Variants in DCHS2 observed in about 807,000 individuals in gnomAD.
The protein encoded by DCHS2 is protocadherin-23.
In DCHS2, 142 loss-of-function variants were observed where a neutral mutation model predicts 182.4. The ratio of observed to expected loss-of-function variants is 0.78; its 90% CI spans 0.68 to 0.89. DCHS2 has a LOEUF of 0.89. DCHS2 is among the 40% of genes least tolerant of loss of function. DCHS2 has a pLI of 0.00. For synonymous variants in DCHS2, 1,740 were observed against 1,663.3 expected (o/e 1.05, Z -1.12); for missense variants, 4,319 against 4,198.6 (o/e 1.03, Z -0.79).
At chr4:154,462,409 T>G (rs867445254) in intron 1 of DCHS2, among the ~76,000 whole-genome samples, 2 of 152,226 alleles carry the variant, frequency 1.3e-5, no homozygotes, top group South Asian at 2.1e-4. Context: ...TATTCTCTTT[T>G]GTTGCTCATC....
intron 3 of DCHS2, chr4:154,343,652 T>C (rs1448582986): frequency 6.8e-7 from 1 of 1,463,660 alleles, no homozygotes; most frequent in South Asian, 1.6e-5. Context: ...CCTTCCTATA[T>C]TTAAAAAGAG....
intron 3 of DCHS2, among the ~76,000 whole-genome samples, chr4:154,340,625 C>T (rs999617539): frequency 2.0e-4 from 31 of 152,142 alleles, no homozygotes; most frequent in African/African-American, 7.2e-4. Flanking sequence ...TTGATACCAC[C>T]TGGAATGTTA....
chr4:154,307,729 C>A (rs973076582), intron 10 of DCHS2, among the ~76,000 whole-genome samples: 4 of 152,170 alleles, frequency 2.6e-5, no homozygotes, highest in African/African-American at 9.7e-5. Flanking sequence ...AATTTCACAA[C>A]AGCATGGATT....
chr4:154,327,523 C>A (rs1036250757), intron 7 of DCHS2, among the ~76,000 whole-genome samples: 4 of 152,064 alleles, frequency 2.6e-5, no homozygotes, highest in Non-Finnish European at 4.4e-5. Flanking sequence ...TGACAAAGCA[C>A]CAAATGTCTT....
intron 3 of DCHS2, among the ~76,000 whole-genome samples, chr4:154,362,834 G>A (rs1029301071): frequency 1.3e-5 from 2 of 152,056 alleles, no homozygotes; most frequent in Non-Finnish European, 2.9e-5. Context: ...TCTTCTTGAT[G>A]ATTTCCTTAA....
intron 1 of DCHS2, among the ~76,000 whole-genome samples, chr4:154,443,940 C>T (rs1734143689): frequency 6.6e-6 from 1 of 152,210 alleles, no homozygotes; most frequent in Admixed American, 6.5e-5. Flanking sequence ...ATCCAGCTTT[C>T]ATTTGACAGA....
intron 1 of DCHS2, among the ~76,000 whole-genome samples, chr4:154,434,849 A>G (rs1330777884): frequency 6.6e-6 from 1 of 152,206 alleles, no homozygotes; most frequent in Admixed American, 6.5e-5. Context: ...ACCCCAAATT[A>G]AGGGACATTT....
intron 1 of DCHS2, among the ~76,000 whole-genome samples, chr4:154,395,310 C>G (rs2110858361): frequency 6.6e-6 from 1 of 152,308 alleles, no homozygotes; most frequent in East Asian, 1.9e-4. Context: ...ACTTTTCTGC[C>G]AACCTAGCAT....
chr4:154,455,614 C>A (rs1734730868), intron 1 of DCHS2, among the ~76,000 whole-genome samples: 1 of 152,198 alleles, frequency 6.6e-6, no homozygotes. Context: ...CTTACACTTG[C>A]CATGTGGCAG....
intron 9 of DCHS2, among the ~76,000 whole-genome samples, chr4:154,317,794 CAAGTA>C (rs1422645486): frequency 6.6e-6 from 1 of 151,876 alleles, no homozygotes; most frequent in Non-Finnish European, 1.5e-5. Context: ...GACAGCAAGA[CAAGTA>C]AAGTTGAGGG....
chr4:154,251,892 T>A (rs2111141031), intron 16 of DCHS2, among the ~76,000 whole-genome samples: 1 of 152,314 alleles, frequency 6.6e-6, no homozygotes, highest in East Asian at 1.9e-4. Flanking sequence ...TCATGCTTGA[T>A]AAATAGCTTT....
At position 154,235,458 on chromosome 4, in the gene DCHS2, A is replaced by T; in HGVS notation, c.9194T>A (p.Val3065Glu). The T allele has an allele frequency of 6.2e-7, 1 of 1,614,088 alleles. No individual in the cohort carries two copies. The highest frequency in any genetic ancestry group is 1.7e-4 in the Middle Eastern group (1 of 6,058). Residue 3065 changes from valine to glutamate, a missense_variant, in exon 20 of 20, where the codon GTG (valine) becomes GAG (glutamate). Coordinates refer to ENST00000357232, the MANE Select transcript of DCHS2 (RefSeq NM_001358235.2). ...ACTCAACCATTCCGGAGTGGCATCC[A>T]CAGGGACCACCTCGTTACTGCAGTC... ...TDDCSNEVVP[V>E]DATPEWLSLI...
At chr4:154,376,995 TATAAG>T (rs1730930852) in intron 2 of DCHS2, among the ~76,000 whole-genome samples, 1 of 152,174 alleles carries the variant, frequency 6.6e-6, no homozygotes, top group African/African-American at 2.4e-5. Context: ...ATAGAAAGGA[TATAAG>T]ATATCATTAA....
chr4:154,469,035 T>G (rs1735353658), intron 1 of DCHS2, among the ~76,000 whole-genome samples: 1 of 152,146 alleles, frequency 6.6e-6, no homozygotes, highest in Admixed American at 6.6e-5. Flanking sequence ...GTTGTACACC[T>G]TAAATATATA....
At chr4:154,382,957 T>G (rs1405646666) in intron 1 of DCHS2, among the ~76,000 whole-genome samples, 1 of 152,164 alleles carries the variant, frequency 6.6e-6, no homozygotes, top group Non-Finnish European at 1.5e-5. Context: ...ATTAAAGAAC[T>G]ACCATTCGAA....
intron 13 of DCHS2, among the ~76,000 whole-genome samples, chr4:154,297,131 GTC>G (rs1734960961): frequency 6.6e-6 from 1 of 152,202 alleles, no homozygotes; most frequent in African/African-American, 2.4e-5. Context: ...TTATGATGTT[GTC>G]ATTATTTTTC....
intron 1 of DCHS2, among the ~76,000 whole-genome samples, chr4:154,405,515 T>C (rs746270905): frequency 2.0e-5 from 3 of 151,804 alleles, no homozygotes; most frequent in Non-Finnish European, 4.4e-5. Flanking sequence ...GGATGCCAAT[T>C]ATATGTAAGA....
At chr4:154,432,014 T>G (rs1381956569) in intron 1 of DCHS2, among the ~76,000 whole-genome samples, 2 of 152,252 alleles carry the variant, frequency 1.3e-5, no homozygotes, top group African/African-American at 4.8e-5. Context: ...AAGAAGGGAA[T>G]GCATCAAGGT....
At chr4:154,472,921 T>C (rs1195924123) in intron 1 of DCHS2, among the ~76,000 whole-genome samples, 1 of 152,116 alleles carries the variant, frequency 6.6e-6, no homozygotes, top group Non-Finnish European at 1.5e-5. Flanking sequence ...TCAACAGAAA[T>C]GTATATTTTA....
Sources: gnomAD v4.1 joint callset for allele counts (sites outside exome capture counted in the v4.1 genomes callset) on GRCh38, gnomAD v4.1.1 for gene constraint, MANE v1.5 for transcripts, NCBI Gene and HGNC (gene_info 2026-07-23, HGNC 2026-07-21) for gene names.